PIGR: variants seen among roughly 807,000 people sequenced by gnomAD.
PIGR encodes hepatocellular carcinoma associated protein TB6.
A neutral mutation model predicts 69.5 loss-of-function variants in PIGR; 22 were observed. The ratio of observed to expected loss-of-function variants is 0.32; its 90% CI spans 0.23 to 0.45. PIGR has a LOEUF of 0.45. Ranked by LOEUF, PIGR falls within the 20% of genes least tolerant of loss-of-function variation. The probability of loss-of-function intolerance (pLI) is 1.00; values close to 1 mark genes in which losing one functional copy is unlikely to be tolerated. For synonymous variants in PIGR, 413 were observed against 407.6 expected (o/e 1.01, Z -0.16); for missense variants, 885 against 974.0 (o/e 0.91, Z 1.22).
chr1:206,940,020 C>T (rs934684604), intron 2 of PIGR, among the ~76,000 whole-genome samples: 2 of 152,226 alleles, frequency 1.3e-5, no homozygotes, highest in African/African-American at 4.8e-5. Context: ...ATCCAGCCAT[C>T]CATTGTTTTT....
At chr1:206,938,263 G>A (rs1054151305) in intron 3 of PIGR, among the ~76,000 whole-genome samples, 2 of 152,238 alleles carry the variant, frequency 1.3e-5, no homozygotes, top group Non-Finnish European at 2.9e-5. Flanking sequence ...TTCTGCTAAA[G>A]TGCTTAATCA....
chr1:206,938,262 A>G (rs990686006), intron 3 of PIGR, among the ~76,000 whole-genome samples: 1 of 152,232 alleles, frequency 6.6e-6, no homozygotes, highest in Non-Finnish European at 1.5e-5. Flanking sequence ...TTTCTGCTAA[A>G]GTGCTTAATC....
Position 206,935,450 on chromosome 1 carries a change from G to A in PIGR, c.1378+36C>T, listed in dbSNP as rs1679844476. 1 of 1,535,436 alleles carries A rather than the reference G, an allele frequency of 6.5e-7. No individual in the cohort carries two copies. On this transcript the variant is annotated intron_variant, in intron 5 of 10. Transcript: ENST00000356495. The surrounding 1 kb of genome is among the most constrained non-coding windows in gnomAD (Gnocchi z 4.4). The stretch of plus-strand genomic sequence containing the variant: ...TGGGGATGCTGCTGCTGGCTGGAGA[G>A]GTTTTAGAGCTTTCTCCCTCCCTGT...
intron 1 of PIGR, among the ~76,000 whole-genome samples, chr1:206,945,639 C>T (rs867787892): frequency 4.6e-5 from 7 of 152,222 alleles, no homozygotes; most frequent in South Asian, 2.1e-4. Flanking sequence ...TAGAGCAAAG[C>T]GAGGTGGAAT....
At position 206,935,572 on chromosome 1, in the gene PIGR, A is replaced by G; in HGVS notation, c.1292T>C (p.Leu431Pro). The change falls in exon 5 of 11, where the codon CTC becomes CCC. Residue 431 changes from leucine to proline, a missense_variant. By Grantham distance (98) the Leu-to-Pro change is moderately conservative. Transcript: ENST00000356495. The surrounding 1 kb of genome is among the most constrained non-coding windows in gnomAD (Gnocchi z 4.4). ...GTAGAAGCCGGCGTCCCGGCTGGTG[A>G]GCTGGTTGAGGATGACAGTGAAGGT... ...NGTFTVILNQ[L>P]TSRDAGFYWC... 4 of 1,614,140 alleles carry G rather than the reference A, an allele frequency of 2.5e-6. No individual in the cohort carries two copies. Among genetic ancestry groups the G allele is most frequent in the Non-Finnish European group, 3.4e-6 (4 of 1,180,014 alleles).
At chr1:206,934,768 A>G (rs1221673462) in intron 5 of PIGR, 22 bp from the exon 6 acceptor site, 1 of 1,572,112 alleles carries the variant, frequency 6.4e-7, no homozygotes, top group South Asian at 1.1e-5. Context: ...AGGGAGGTAG[A>G]AATAAACACA....
chr1:206,931,472 G>A (rs1679747460), intron 10 of PIGR, 25 bp downstream of exon 10: 7 of 1,614,014 alleles, frequency 4.3e-6, no homozygotes, highest in Non-Finnish European at 5.9e-6. Context: ...TTGTCATGTA[G>A]TGGGGCTTCC....
chr1:206,941,272 G>T (rs1483157454), intron 1 of PIGR, among the ~76,000 whole-genome samples: 2 of 152,060 alleles, frequency 1.3e-5, no homozygotes, highest in Non-Finnish European at 2.9e-5. Flanking sequence ...AAATGTGTGG[G>T]GGTACACAGA....
At chr1:206,938,978 C>T in intron 3 of PIGR, 141 bp downstream of exon 3, 1 of 678,874 alleles carries the variant, frequency 1.5e-6, no homozygotes, top group Admixed American at 2.8e-5. Flanking sequence ...TTAAAGAAGT[C>T]TTTGCCTGGG....
At chr1:206,944,603 C>A (rs535246109) in intron 1 of PIGR, among the ~76,000 whole-genome samples, 1 of 152,280 alleles carries the variant, frequency 6.6e-6, no homozygotes, top group South Asian at 2.1e-4. Context: ...TGTTACATAA[C>A]CATGGGTATA....
In PIGR at chr1:206,933,182, G is replaced by C; in HGVS notation, c.1706-16C>G. On this transcript the variant is annotated splice_polypyrimidine_tract_variant and intron_variant, in intron 6 of 10. Coordinates refer to ENST00000356495, the MANE Select transcript of PIGR (RefSeq NM_002644.4). ...TCGCGGGACCCTGCAGCAGGGAAGA[G>C]TGGGCCTGGGTTGTGATTTTTCTCT... is the stretch of plus-strand genomic sequence containing the variant. The C allele has an allele frequency of 6.2e-7, 1 of 1,612,020 alleles. No individual in the cohort carries two copies. Among genetic ancestry groups the C allele is most frequent in the Non-Finnish European group, 8.5e-7 (1 of 1,178,814 alleles).
In PIGR at chr1:206,933,031, G is replaced by A. The variant is rs140909087; in HGVS notation, c.1841C>T (p.Thr614Ile). ...LFAEEKAVAD[T>I]RDQADGSRAS... ...TCTGCTCCCATCGGCTTGATCTCTT[G>A]TATCTGCCACCGCCTTTTCCTCTGC... Residue 614 changes from threonine (T) to isoleucine (I), a missense_variant, in exon 7 of 11, where the codon ACA becomes ATA. Physicochemically the swap from Thr to Ile is moderately conservative, Grantham distance 89. Transcript: ENST00000356495. 5.6e-6 allele frequency: 9 copies of A among 1,614,038 alleles called. No individual in the cohort carries two copies. The African/African-American group carries it at 1.1e-4, about 19-fold the overall frequency.
intron 3 of PIGR, 42 bp downstream of exon 3, chr1:206,939,077 C>T: frequency 1.3e-6 from 2 of 1,529,550 alleles, no homozygotes; most frequent in South Asian, 1.2e-5. Context: ...AGAGAATTCC[C>T]TCTAACTTTC....
At chr1:206,939,547 T>G in intron 2 of PIGR, 84 bp from the exon 3 acceptor site, 3 of 904,160 alleles carry the variant, frequency 3.3e-6, no homozygotes, top group Non-Finnish European at 5.2e-6. Context: ...TAGATGTGGT[T>G]TTCTACCTGA....
chr1:206,934,857 AT>A, intron 5 of PIGR, 111 bp from the exon 6 acceptor site: 3 of 622,326 alleles, frequency 4.8e-6, no homozygotes, highest in Non-Finnish European at 7.6e-6. Context: ...ATATATATAT[AT>A]ATTTTTGTTT....
chr1:206,935,320 A>G lies in PIGR; in HGVS notation c.1378+166T>C, dbSNP rs1679841150. Among the ~76,000 whole-genome samples, 3 of 152,220 alleles carry G rather than the reference A, an allele frequency of 2.0e-5. 1 individual carries two copies. In the South Asian group the frequency reaches 6.2e-4, roughly 32 times the overall value. ...TACCATGTATGGTAATTCAGAGTGT[A>G]AGGTGCGTGTTATAGGCATGAAAAT... On this transcript the variant is annotated intron_variant, in intron 5 of 10. Coordinates refer to ENST00000356495, the MANE Select transcript of PIGR (RefSeq NM_002644.4). The surrounding 1 kb of genome is among the most constrained non-coding windows in gnomAD (Gnocchi z 4.4).
rs201157837 is a variant in PIGR at position 206,937,724 on chromosome 1, A to G, written c.416T>C (p.Val139Ala). The G allele has an allele frequency of 1.9e-4, 306 of 1,613,842 alleles. 1 individual carries two copies. Among genetic ancestry groups the G allele is most frequent in the Non-Finnish European group, 2.5e-4 (290 of 1,179,986 alleles). ...QGPGLLNDTK[V>A]YTVDLGRTVT... ...CGTTCTGCCCAGGTCCACTGTGTAG[A>G]CTTTAGTGTCATTTAGGAGCCCAGG... Residue 139 changes from valine to alanine, a missense_variant, in exon 4 of 11, where the codon GTC becomes GCC. Physicochemically the swap from Val to Ala is moderately conservative, Grantham distance 64. Coordinates refer to ENST00000356495, the MANE Select transcript of PIGR (RefSeq NM_002644.4).
rs537423751 is a variant in PIGR, at chr1:206,936,865, T to A, written c.1045+230A>T. On this transcript the variant is annotated intron_variant, in intron 4 of 10. Transcript: ENST00000356495. ...CTTGCTTGTTAAGCAGGGACAGCCA[T>A]CAAAATGACTTTGATAACAGAAGAG... Among the ~76,000 whole-genome samples the A allele has an allele frequency of 2.0e-5, 3 of 152,306 alleles. No homozygotes were observed. In the East Asian group the frequency reaches 5.8e-4, roughly 29 times the overall value.
intron 3 of PIGR, among the ~76,000 whole-genome samples, chr1:206,938,298 T>C (rs1558014539): frequency 6.6e-6 from 1 of 152,240 alleles, no homozygotes; most frequent in Non-Finnish European, 1.5e-5. Context: ...GTCATCAGCA[T>C]GTTCTTCTAA....
Sources: gnomAD v4.1 joint callset for allele counts (sites outside exome capture counted in the v4.1 genomes callset) on GRCh38, gnomAD v4.1.1 for gene constraint, Gnocchi (gnomAD v3.1) non-coding constraint, MANE v1.5 for transcripts, NCBI Gene and HGNC (gene_info 2026-07-23, HGNC 2026-07-21) for gene names.